PROX2: variants seen among roughly 807,000 people sequenced by gnomAD.
The protein encoded by PROX2 is prospero homeobox 2, also known as prospero homeobox protein 2.
In PROX2, 46 loss-of-function variants were observed where a neutral mutation model predicts 48.9. The ratio of observed to expected loss-of-function variants is 0.94; its 90% confidence interval spans 0.74 to 1.20. PROX2 has a LOEUF of 1.20. Ranked by LOEUF, PROX2 falls within the 50% of genes most tolerant of loss-of-function variation. The pLI is 0.00. For missense variants in PROX2, 663 were observed against 719.4 expected (o/e 0.92, Z 0.90); for synonymous variants, 260 against 276.6 (o/e 0.94, Z 0.60).
chr14:74,857,054 A>G, intron 4 of PROX2, 59 bp from the exon 5 acceptor site: 1 of 1,436,726 alleles, frequency 7.0e-7, no homozygotes, highest in Non-Finnish European at 9.8e-7. Flanking sequence ...CAGAATTAGA[A>G]CTGTCTGCTT....
At chr14:74,859,833 C>A (rs2091781179) in intron 3 of PROX2, among the ~76,000 whole-genome samples, 1 of 152,226 alleles carries the variant, frequency 6.6e-6, no homozygotes, top group Non-Finnish European at 1.5e-5. Flanking sequence ...TCAGCCCCTA[C>A]TTACCCTTCC....
chr14:74,857,544 C>G (rs1323707425), intron 4 of PROX2: 1 of 152,576 alleles, frequency 6.6e-6, no homozygotes, highest in Non-Finnish European at 1.5e-5. Flanking sequence ...GCCCCTAACC[C>G]AACACCCAAA....
At chr14:74,870,439 A>AAAACACACACACACAC (rs766736707) in intron 2 of PROX2, among the ~76,000 whole-genome samples, 3 of 29,932 alleles carry the variant, frequency 1.0e-4, no homozygotes, top group South Asian at 1.4e-3. Flanking sequence ...AAAAAAAAAA[A>AAAACACACACACACAC]ATACACACAC....
At chr14:74,861,224 T>C in intron 3 of PROX2, 1 of 1,352,916 alleles carries the variant, frequency 7.4e-7, no homozygotes, top group Non-Finnish European at 9.8e-7. Context: ...GATATGCAAC[T>C]CCATAGACTC....
intron 3 of PROX2, chr14:74,861,215 A>G: frequency 3.0e-6 from 4 of 1,352,992 alleles, no homozygotes; most frequent in African/African-American, 2.9e-5. Flanking sequence ...TCCCACCTGG[A>G]TATGCAACTC....
rs546544732 is a variant in PROX2 at position 74,854,028 on chromosome 14, T to C, written c.*1104A>G. On this transcript the variant is annotated 3_prime_UTR_variant, in exon 6 of 6. Transcript: ENST00000556489. The stretch of plus-strand genomic sequence containing the variant: ...TGTGATGCTGCATTTGTCCCAGTTA[T>C]GCCATTTATCATCTGCAAGGCTGTG... 2.4e-5 allele frequency: 4 copies of C among 167,410 alleles called. No homozygotes were observed. The highest frequency in any genetic ancestry group is 1.9e-4 in the East Asian group (1 of 5,348). 10.4% of individuals were successfully genotyped at this position (167,410 alleles called of 1,614,324 possible).
intron 3 of PROX2, 44 bp downstream of exon 3, chr14:74,862,486 G>A: frequency 6.4e-7 from 1 of 1,571,998 alleles, no homozygotes; most frequent in Non-Finnish European, 8.6e-7. Context: ...GAGCCACACT[G>A]CACCTGGCCA....
chr14:74,871,920 C>T (rs886206398), intron 1 of PROX2: 8 of 152,274 alleles, frequency 5.3e-5, no homozygotes, highest in Non-Finnish European at 1.2e-4. Context: ...TACATGGCAG[C>T]CTTTCTCCCT....
At chr14:74,855,378 G>T in intron 5 of PROX2, 76 bp from the exon 6 acceptor site, 1 of 1,249,410 alleles carries the variant, frequency 8.0e-7, no homozygotes, top group South Asian at 1.9e-5. Flanking sequence ...CCTCACTAGC[G>T]GGTGCTGCCT....
At chr14:74,866,724 G>A (rs1301906632) in intron 2 of PROX2, among the ~76,000 whole-genome samples, 1 of 152,192 alleles carries the variant, frequency 6.6e-6, no homozygotes, top group Non-Finnish European at 1.5e-5. Context: ...AGGAGTAGGT[G>A]ACATTGAATC....
chr14:74,870,800 G>A (rs1464459821), intron 2 of PROX2, among the ~76,000 whole-genome samples: 7 of 152,186 alleles, frequency 4.6e-5, no homozygotes, highest in African/African-American at 1.7e-4. Context: ...AGCACTTTGG[G>A]AGGCCAAGGG....
At chr14:74,868,752 G>T (rs954594963) in intron 2 of PROX2, among the ~76,000 whole-genome samples, 1 of 151,986 alleles carries the variant, frequency 6.6e-6, no homozygotes, top group East Asian at 1.9e-4. Context: ...CAGAAGAATG[G>T]CGTGAACCCA....
chr14:74,865,171 A>G (rs1883021429), intron 2 of PROX2: 2 of 151,450 alleles, frequency 1.3e-5, no homozygotes, highest in African/African-American at 4.9e-5. Flanking sequence ...AGAAAAAAAA[A>G]AAAACACTGC....
chr14:74,855,439 C>G (rs2091736031), intron 5 of PROX2, 137 bp from the exon 6 acceptor site: 1 of 557,846 alleles, frequency 1.8e-6, no homozygotes, highest in Non-Finnish European at 2.9e-6. Context: ...GCCCCTGATT[C>G]TGCAACCCTA....
At position 74,858,457 on chromosome 14, in the gene PROX2, T is replaced by A; in HGVS notation, c.1363A>T (p.Thr455Ser). Residue 455 changes from threonine to serine, a missense_variant, in exon 4 of 6, where the codon ACA becomes TCA. Physicochemically the swap from Thr to Ser is moderately conservative, Grantham distance 58. Coordinates refer to ENST00000556489, the MANE Select transcript of PROX2 (RefSeq NM_001243007.2). The part of the protein sequence containing the change: ...LKKAKLMFFF[T>S]RYPSSNLLKV... Reference sequence around the variant, plus strand: ...AGGAGGTTGGAGCTGGGATATCGTGTGAAGAAAAACATTAGTTTGGCCTTC... The same window carrying A: ...AGGAGGTTGGAGCTGGGATATCGTGAGAAGAAAAACATTAGTTTGGCCTTC... The A allele has an allele frequency of 1.3e-6, 2 of 1,587,332 alleles. No individual in the cohort carries two copies.
At chr14:74,857,109 CA>C in intron 4 of PROX2, 114 bp from the exon 5 acceptor site, 2 of 760,722 alleles carry the variant, frequency 2.6e-6, no homozygotes, top group Non-Finnish European at 4.3e-6. Context: ...CCAGCATTAA[CA>C]GGGGCTTCCT....
Position 74,863,421 on chromosome 14 carries a change from C to A in PROX2, c.414G>T (p.Leu138=). The change falls in exon 3 of 6, where the codon CTG becomes CTT. Residue 138 remains leucine, a synonymous_variant. Transcript: ENST00000556489. Reference sequence around the variant, plus strand: ...GCAGATGTCTTAGCTGTTGCTTCAGCAGATGAAGTTGTTCTCTCACACGAG... The same window carrying A: ...GCAGATGTCTTAGCTGTTGCTTCAGAAGATGAAGTTGTTCTCTCACACGAG... ...GGPRVREQLH[L]LKQQLRHLQE... 1 of 1,613,322 alleles carries A rather than the reference C, an allele frequency of 6.2e-7. No homozygotes were observed. Among genetic ancestry groups the A allele is most frequent in the Non-Finnish European group, 8.5e-7 (1 of 1,179,498 alleles).
In PROX2 at chr14:74,870,680, A is replaced by G. The variant is rs60424583; in HGVS notation, c.-175+423T>C. On this transcript the variant is annotated intron_variant, in intron 2 of 5. Coordinates refer to ENST00000556489, the MANE Select transcript of PROX2 (RefSeq NM_001243007.2). ...GGAGAAAGCTATGCATGTTGAAGGC[A>G]GGGGATATATGCGAAATCTCTGTAC... 3.9e-3 allele frequency among the ~76,000 whole-genome samples: 594 copies of G among 152,254 alleles called. 5 individuals carry two copies. The highest frequency in any genetic ancestry group is 0.012 in the African/African-American group (503 of 41,536).
rs1184822821 is a variant in PROX2, at chr14:74,853,476, ACTTAAC to A, written c.*1650_*1655del. 4 of 152,218 alleles carry A rather than the reference ACTTAAC, an allele frequency of 2.6e-5. No homozygotes were observed. Among genetic ancestry groups the A allele is most frequent in the Non-Finnish European group, 5.9e-5 (4 of 68,034 alleles). The allele number at this position is 152,218 out of a possible 1,614,324, so 9.4% of individuals were successfully genotyped here. A position where few individuals can be genotyped will look rare whatever the true frequency, so the allele number is the denominator to read the frequency against. On this transcript the variant is annotated 3_prime_UTR_variant, in exon 6 of 6. Coordinates refer to ENST00000556489, the MANE Select transcript of PROX2 (RefSeq NM_001243007.2). The stretch of plus-strand genomic sequence containing the variant: ...AGTGCAATTGGATGTACTGGAGGGC[ACTTAAC>A]CTTTAGCCTGTAAAGATGGGTTTGG...
Sources: gnomAD v4.1 joint callset for allele counts (sites outside exome capture counted in the v4.1 genomes callset) on GRCh38, gnomAD v4.1.1 for gene constraint, MANE v1.5 for transcripts, NCBI Gene and HGNC (gene_info 2026-07-23, HGNC 2026-07-21) for gene names.